The following MED12L variants were observed in gnomAD, a reference collection of about 807,000 sequenced individuals.
The protein encoded by MED12L is mediator of RNA polymerase II transcription subunit 12-like protein.
Under a neutral mutation model 281.3 loss-of-function variants are expected in MED12L, and 60 were observed. That is an observed-to-expected ratio of 0.21 (90% CI 0.17 to 0.26). MED12L has a LOEUF of 0.26. MED12L is among the 10% of genes least tolerant of loss of function. MED12L has a pLI of 1.00. For missense variants in MED12L, 2,146 were observed against 2,680.9 expected, an observed-to-expected ratio of 0.80 and a Z score of 4.41; for synonymous variants, 974 against 987.2, an observed-to-expected ratio of 0.99 and a Z score of 0.25.
At chr3:151,107,513 G>A (rs1722222337) in intron 2 of MED12L, among the ~76,000 whole-genome samples, 1 of 152,158 alleles carries the variant, frequency 6.6e-6, no homozygotes, top group Non-Finnish European at 1.5e-5. Flanking sequence ...TCGAATGAAG[G>A]ACGGGGAGCA....
At chr3:151,428,340 A>G (rs953786801) in intron 43 of MED12L, among the ~76,000 whole-genome samples, 61 of 152,246 alleles carry the variant, frequency 4.0e-4, no homozygotes, top group African/African-American at 1.3e-3. Flanking sequence ...TTCCATATAA[A>G]TGAAAGATTG....
intron 2 of MED12L, among the ~76,000 whole-genome samples, chr3:151,095,601 T>C (rs1247735873): frequency 3.9e-5 from 6 of 152,222 alleles, no homozygotes; most frequent in Non-Finnish European, 7.3e-5. Flanking sequence ...GCTGACTTTC[T>C]TTCAGTCTAA....
At chr3:151,310,117 C>G (rs527641739) in intron 16 of MED12L, among the ~76,000 whole-genome samples, 21 of 152,268 alleles carry the variant, frequency 1.4e-4, no homozygotes, top group Middle Eastern at 3.4e-3. Context: ...GCTGCAAATT[C>G]AAATGCCAGC....
chr3:151,129,983 T>C (rs1249819806), intron 5 of MED12L, among the ~76,000 whole-genome samples: 4 of 152,154 alleles, frequency 2.6e-5, no homozygotes, highest in African/African-American at 7.2e-5. Flanking sequence ...TGCCCAGGCT[T>C]TTTTGGAATG....
chr3:151,325,406 G>A (rs1749477045), intron 16 of MED12L, among the ~76,000 whole-genome samples: 1 of 151,976 alleles, frequency 6.6e-6, no homozygotes, highest in Non-Finnish European at 1.5e-5. Flanking sequence ...TATTCTATCA[G>A]TCCAAAGCTA....
At chr3:151,428,673 T>G (rs1435544497) in intron 43 of MED12L, among the ~76,000 whole-genome samples, 1 of 152,184 alleles carries the variant, frequency 6.6e-6, no homozygotes, top group African/African-American at 2.4e-5. Flanking sequence ...AAATATTCAG[T>G]TTTGAAAGTA....
At chr3:151,297,669 G>A (rs1009846191) in intron 16 of MED12L, among the ~76,000 whole-genome samples, 2 of 152,152 alleles carry the variant, frequency 1.3e-5, no homozygotes, top group African/African-American at 4.8e-5. Context: ...ACCTATCGTG[G>A]AGTGCAAGAA....
chr3:151,213,597 A>G lies in MED12L; in HGVS notation c.2250+19931A>G, dbSNP rs12631155. On this transcript the variant is annotated intron_variant, in intron 16 of 44. Transcript: ENST00000687756. ...AAGGTACAAAACAGACAAAAAACAC[A>G]AACACGATGCTGAATATGTTGCGGC... is the stretch of plus-strand genomic sequence containing the variant. 25,057 of 1,614,140 alleles carry G rather than the reference A, an allele frequency of 0.016. 1,664 individuals are homozygous for G. The African/African-American group carries it at 0.18, about 12-fold the overall frequency.
intron 19 of MED12L, among the ~76,000 whole-genome samples, chr3:151,356,955 A>G (rs557795087): frequency 2.6e-5 from 4 of 152,324 alleles, no homozygotes; most frequent in East Asian, 1.9e-4. Flanking sequence ...CTAAAATTAT[A>G]CAGTCCAGGA....
intron 5 of MED12L, among the ~76,000 whole-genome samples, chr3:151,155,246 A>G (rs1719121111): frequency 6.6e-6 from 1 of 152,204 alleles, no homozygotes; most frequent in Non-Finnish European, 1.5e-5. Flanking sequence ...TCCTTGGGGA[A>G]ATTTGGCTGT....
intron 16 of MED12L, chr3:151,327,626 T>C (rs1166309434): frequency 6.2e-6 from 1 of 160,990 alleles, no homozygotes; most frequent in Non-Finnish European, 1.3e-5. Context: ...AGTAGTGTTA[T>C]GTGAATTGTG....
At chr3:151,322,256 G>A (rs532057541) in intron 16 of MED12L, among the ~76,000 whole-genome samples, 1 of 152,308 alleles carries the variant, frequency 6.6e-6, no homozygotes, top group South Asian at 2.1e-4. Flanking sequence ...TGTGATCATG[G>A]CCCACTGCAA....
At chr3:151,186,764 C>CT (rs11406515) in intron 12 of MED12L, among the ~76,000 whole-genome samples, 13,020 of 152,258 alleles carry the variant, frequency 0.086, 1,276 homozygotes, top group African/African-American at 0.23. Flanking sequence ...ACTGTTTTTA[C>CT]TTTCCTTGTT....
intron 4 of MED12L, 102 bp from the exon 5 acceptor site, chr3:151,127,723 G>A: frequency 1.3e-6 from 1 of 775,138 alleles, no homozygotes; most frequent in South Asian, 2.1e-5. Context: ...GGGCCAGCAG[G>A]TAACTTACAG....
intron 43 of MED12L, among the ~76,000 whole-genome samples, chr3:151,422,452 G>A (rs561772249): frequency 4.6e-5 from 7 of 152,176 alleles, no homozygotes; most frequent in South Asian, 4.1e-4. Context: ...GGCATCGCTC[G>A]GCCCGTGGAA....
chr3:151,357,934 AG>A (rs1754126018), intron 20 of MED12L, among the ~76,000 whole-genome samples: 1 of 152,206 alleles, frequency 6.6e-6, no homozygotes, highest in African/African-American at 2.4e-5. Context: ...TTAAAGACTG[AG>A]GCTAAGGCAC....
intron 16 of MED12L, among the ~76,000 whole-genome samples, chr3:151,207,799 A>G (rs1726579595): frequency 6.6e-6 from 1 of 152,192 alleles, no homozygotes; most frequent in South Asian, 2.1e-4. Context: ...GAACCACTGC[A>G]GAAGTAAGAT....
chr3:151,283,270 G>A (rs1214305739), intron 16 of MED12L, among the ~76,000 whole-genome samples: 3 of 152,212 alleles, frequency 2.0e-5, no homozygotes, highest in East Asian at 1.9e-4. Context: ...GTTGAAGTGT[G>A]CAAACAGATT....
chr3:151,272,929 T>C (rs1175291049), intron 16 of MED12L, among the ~76,000 whole-genome samples: 2 of 152,158 alleles, frequency 1.3e-5, no homozygotes, highest in Non-Finnish European at 2.9e-5. Context: ...GTATCCCTAA[T>C]CCCAAAATCT....
Sources: gnomAD v4.1 joint callset for allele counts (sites outside exome capture counted in the v4.1 genomes callset) on GRCh38, gnomAD v4.1.1 for gene constraint, MANE v1.5 for transcripts, NCBI Gene and HGNC (gene_info 2026-07-23, HGNC 2026-07-21) for gene names.